Variants in ERC1 observed in about 807,000 individuals in gnomAD.
The protein encoded by ERC1 is RAB6 interacting protein 2.
A neutral mutation model predicts 132.0 loss-of-function variants in ERC1; 56 were observed. The observed-to-expected ratio is 0.42, with a 90% CI of 0.34 to 0.53. The LOEUF is 0.53. ERC1 is among the 20% of genes least tolerant of loss of function. ERC1 has a pLI of 0.03. For synonymous variants in ERC1, 478 were observed against 476.1 expected, an observed-to-expected ratio of 1.00 and a Z score of -0.05; for missense variants, 1,202 against 1,349.9, an observed-to-expected ratio of 0.89 and a Z score of 1.72.
At chr12:1,474,003 A>G (rs2093920980) in intron 18 of ERC1, among the ~76,000 whole-genome samples, 1 of 152,228 alleles carries the variant, frequency 6.6e-6, no homozygotes, top group Admixed American at 6.5e-5. Flanking sequence ...CTTACGGCAA[A>G]ATACATTTCC....
intron 10 of ERC1, among the ~76,000 whole-genome samples, chr12:1,182,276 C>T (rs1342276770): frequency 2.0e-5 from 3 of 152,128 alleles, no homozygotes; most frequent in Non-Finnish European, 1.5e-5. Context: ...GTATTACTCA[C>T]TTTGTTTTAT....
chr12:1,200,563 CT>C (rs111688488), intron 12 of ERC1, among the ~76,000 whole-genome samples: 6 of 147,492 alleles, frequency 4.1e-5, no homozygotes, highest in South Asian at 2.1e-4. Context: ...ATTTCCTTTT[CT>C]TTTTTTTTTT....
At chr12:1,278,080 C>T (rs1343507927) in intron 14 of ERC1, among the ~76,000 whole-genome samples, 1 of 152,184 alleles carries the variant, frequency 6.6e-6, no homozygotes, top group Admixed American at 6.5e-5. Flanking sequence ...GGAAATACGT[C>T]ATGTCTGCCT....
rs778200446 is a variant in ERC1, at chr12:1,027,991, T to C, written c.88T>C (p.Leu30=). Residue 30 remains leucine, a synonymous_variant, in exon 2 of 19, where the codon TTG becomes CTG. Transcript: ENST00000360905. ...ACCCAGGCTTCCACGTTCCCCTCGC[T>C]TGGGTCACCGTCGAACCAACAGTAC... ...RSPRLPRSPR[L]GHRRTNSTGG... is the part of the protein sequence containing the mutation. 3 of 1,614,174 alleles carry C rather than the reference T, an allele frequency of 1.9e-6. No homozygotes were observed. In the South Asian group the frequency reaches 3.3e-5, roughly 18 times the overall value.
rs910831308 is a variant in ERC1, at chr12:1,405,098, C to T, written c.2926-3051C>T. On this transcript the variant is annotated intron_variant, in intron 16 of 18. Coordinates refer to ENST00000360905, the MANE Select transcript of ERC1 (RefSeq NM_178040.4). Reference sequence around the variant, plus strand: ...AAAGTTGCAGCGAGCTGAGATCTCGCCACTGCATTCCAGCCTGGGCAAGAG... The same window carrying T: ...AAAGTTGCAGCGAGCTGAGATCTCGTCACTGCATTCCAGCCTGGGCAAGAG... 2.6e-5 allele frequency among the ~76,000 whole-genome samples: 4 copies of T among 151,162 alleles called. No homozygotes were observed. The East Asian group carries it at 5.8e-4, about 22-fold the overall frequency.
intron 7 of ERC1, among the ~76,000 whole-genome samples, chr12:1,126,095 T>C (rs1231805282): frequency 6.6e-6 from 1 of 152,238 alleles, no homozygotes; most frequent in East Asian, 1.9e-4. Flanking sequence ...TACTGAACTG[T>C]AGACTTAAAA....
At chr12:1,342,332 T>C (rs2154362802) in intron 15 of ERC1, among the ~76,000 whole-genome samples, 1 of 152,000 alleles carries the variant, frequency 6.6e-6, no homozygotes, top group East Asian at 1.9e-4. Flanking sequence ...CTGGGCATGG[T>C]GGCACACGCC....
chr12:1,247,099 AGCCCAGGAGTTTGAGGTTGCAGTGAG>A (rs1306251572), intron 13 of ERC1, among the ~76,000 whole-genome samples: 2 of 151,702 alleles, frequency 1.3e-5, no homozygotes, highest in Admixed American at 1.3e-4. Context: ...GGTTGCAGTG[AGCCCAGGAGTTTGAGGTTGCAGTGAG>A]CCCAGGAGTT....
chr12:1,236,149 C>A (rs1349743406), intron 12 of ERC1, among the ~76,000 whole-genome samples: 2 of 151,598 alleles, frequency 1.3e-5, no homozygotes, highest in Non-Finnish European at 2.9e-5. Flanking sequence ...TGTAGCAAAA[C>A]AATAATAAAA....
chr12:1,072,481 CTT>C lies in ERC1; in HGVS notation c.670-10680_670-10679del, dbSNP rs1474148513. On this transcript the variant is annotated intron_variant, in intron 2 of 18. Transcript: ENST00000360905. ...TCTTCATTAATTTTCTTGAGGAGCTCTTTTATCTGCTTAATGTCTTTACAAAC... is the reference window on the plus strand; with the variant it reads ...TCTTCATTAATTTTCTTGAGGAGCTCTTATCTGCTTAATGTCTTTACAAAC... 4.5e-5 allele frequency among the ~76,000 whole-genome samples: 6 copies of C among 134,240 alleles called. No individual in the cohort carries two copies. The East Asian group carries it at 1.1e-3, about 24-fold the overall frequency. The allele number at this position is 134,240 out of a possible 152,430, so 88.1% of individuals were successfully genotyped here. A position where few individuals can be genotyped will look rare whatever the true frequency, so the allele number is the denominator to read the frequency against.
intron 17 of ERC1, among the ~76,000 whole-genome samples, chr12:1,427,432 A>G (rs2092674680): frequency 6.6e-6 from 1 of 152,206 alleles, no homozygotes. Context: ...AGTGAATATC[A>G]CAGATCAGCA....
intron 15 of ERC1, among the ~76,000 whole-genome samples, chr12:1,324,287 G>A (rs2082307110): frequency 6.6e-6 from 1 of 152,152 alleles, no homozygotes; most frequent in Non-Finnish European, 1.5e-5. Context: ...TACTGATGAG[G>A]TGATAATGAA....
At position 1,110,311 on chromosome 12, in the gene ERC1, A is replaced by G. The variant is rs1361494667; in HGVS notation, c.1281A>G (p.Glu427=). ...GGGAAGAAGAAATGAAGCAAATGGA[A>G]GTGTATCGGAGCCATTCTAAATTTA... ...EEREEEMKQM[E]VYRSHSKFMK... is the part of the protein sequence containing the mutation. The change falls in exon 5 of 19, where the codon GAA becomes GAG. Residue 427 remains glutamate, a synonymous_variant. Transcript: ENST00000360905. 6.2e-7 allele frequency: 1 copy of G among 1,613,030 alleles called. No individual in the cohort carries two copies. The highest frequency in any genetic ancestry group is 1.1e-5 in the South Asian group (1 of 90,812).
At chr12:1,041,338 G>T (rs1970181635) in intron 2 of ERC1, among the ~76,000 whole-genome samples, 1 of 151,958 alleles carries the variant, frequency 6.6e-6, no homozygotes, top group African/African-American at 2.4e-5. Flanking sequence ...CTCCCAAGTA[G>T]GTGGGACTAC....
chr12:1,059,892 G>T (rs1258768083), intron 2 of ERC1, among the ~76,000 whole-genome samples: 2 of 152,158 alleles, frequency 1.3e-5, no homozygotes, highest in Non-Finnish European at 2.9e-5. Flanking sequence ...CAGCTTTTGG[G>T]AATAGTTTGA....
At chr12:1,154,884 A>G (rs899117037) in intron 8 of ERC1, among the ~76,000 whole-genome samples, 4 of 152,164 alleles carry the variant, frequency 2.6e-5, no homozygotes, top group Non-Finnish European at 4.4e-5. Flanking sequence ...CAGAAGGGCT[A>G]TTATTAAAAA....
Position 1,387,438 on chromosome 12 carries a change from G to A in ERC1, c.2925+15461G>A, listed in dbSNP as rs116315047. On this transcript the variant is annotated intron_variant, in intron 16 of 18. Coordinates refer to ENST00000360905, the MANE Select transcript of ERC1 (RefSeq NM_178040.4). Reference sequence around the variant, plus strand: ...AGCCCCCAAAAAACATTATGTCCACGTCCAGTTTCTATAACCTGTAAATGA... The same window carrying A: ...AGCCCCCAAAAAACATTATGTCCACATCCAGTTTCTATAACCTGTAAATGA... Among the ~76,000 whole-genome samples the A allele has an allele frequency of 2.6e-5, 4 of 152,088 alleles. No individual in the cohort carries two copies. In the South Asian group the frequency reaches 6.2e-4, roughly 24 times the overall value.
At chr12:1,063,680 G>A (rs1362445835) in intron 2 of ERC1, among the ~76,000 whole-genome samples, 1 of 151,954 alleles carries the variant, frequency 6.6e-6, no homozygotes. Flanking sequence ...TTTAATTGGG[G>A]AATTTAAACC....
intron 15 of ERC1, among the ~76,000 whole-genome samples, chr12:1,317,295 A>G (rs1434117634): frequency 1.3e-5 from 2 of 152,302 alleles, no homozygotes; most frequent in South Asian, 4.1e-4. Flanking sequence ...TCAGCAAACT[A>G]ACACAGGAAC....
Sources: gnomAD v4.1 joint callset for allele counts (sites outside exome capture counted in the v4.1 genomes callset) on GRCh38, gnomAD v4.1.1 for gene constraint, MANE v1.5 for transcripts, NCBI Gene and HGNC (gene_info 2026-07-23, HGNC 2026-07-21) for gene names.